Variants in DENND2B observed in about 807,000 individuals in gnomAD.
The protein encoded by DENND2B is DENN domain containing 2B, also known as DENN domain-containing protein 2B.
DENND2B carries 32 observed loss-of-function variants against 116.0 expected under a neutral mutation model. The observed-to-expected ratio is 0.28, with a 90% CI of 0.21 to 0.37. The LOEUF is 0.37. Ranked by LOEUF, DENND2B falls within the 10% of genes least tolerant of loss-of-function variation. The pLI, the probability that DENND2B is intolerant of heterozygous loss-of-function variation, is 1.00. For synonymous variants in DENND2B, 588 were observed against 583.9 expected (o/e 1.01, Z -0.10); for missense variants, 1,276 against 1,477.7 (o/e 0.86, Z 2.24).
At chr11:8,862,682 T>C (rs2063437428) in intron 2 of DENND2B, among the ~76,000 whole-genome samples, 1 of 152,186 alleles carries the variant, frequency 6.6e-6, no homozygotes. Context: ...TCTGGTCTTC[T>C]GTTTTTCTTC....
At chr11:8,720,738 G>A (rs2133864231) in intron 4 of DENND2B, among the ~76,000 whole-genome samples, 1 of 152,324 alleles carries the variant, frequency 6.6e-6, no homozygotes, top group Non-Finnish European at 1.5e-5. Context: ...GTGGACAGGG[G>A]ACCAGGGGAT....
At chr11:8,818,879 C>T (rs574582933) in intron 4 of DENND2B, among the ~76,000 whole-genome samples, 10 of 152,240 alleles carry the variant, frequency 6.6e-5, no homozygotes, top group African/African-American at 2.4e-4. Context: ...ATGCTTAACA[C>T]CTCACAGTAG....
At chr11:8,699,824 A>G (rs2041183742) in intron 14 of DENND2B, 1 of 456,992 alleles carries the variant, frequency 2.2e-6, no homozygotes, top group African/African-American at 2.0e-5. Flanking sequence ...AACCTAAAAC[A>G]TCAGCAACGG....
Position 8,702,813 on chromosome 11 carries a change from C to G in DENND2B, c.2572-93G>C. The G allele has an allele frequency of 7.4e-6, 11 of 1,491,322 alleles. No individual in the cohort carries two copies. The highest frequency in any genetic ancestry group is 1.0e-5 in the Non-Finnish European group (11 of 1,102,910). The allele number at this position is 1,491,322 out of a possible 1,614,324, so 92.4% of individuals were successfully genotyped here. ...AAGCAACTGGAGCTGCTTTCCCCTT[C>G]CAACCTGCTCTTTTCCAGGTCTCTC... On this transcript the variant is annotated intron_variant, in intron 13 of 19. Coordinates refer to ENST00000313726, the MANE Select transcript of DENND2B (RefSeq NM_213618.2). This position sits in a 1 kb window ranked among gnomAD's most constrained non-coding sequence, Gnocchi z 4.6.
At chr11:8,735,862 T>C (rs547648690) in intron 2 of DENND2B, among the ~76,000 whole-genome samples, 1 of 152,360 alleles carries the variant, frequency 6.6e-6, no homozygotes, top group Non-Finnish European at 1.5e-5. Flanking sequence ...GCACAGCAGG[T>C]GTCATCCCCT....
chr11:8,782,990 G>C (rs2134268582), intron 1 of DENND2B, among the ~76,000 whole-genome samples: 1 of 149,606 alleles, frequency 6.7e-6, no homozygotes, highest in East Asian at 2.0e-4. Flanking sequence ...TAACTATCCT[G>C]AAGTTATACA....
chr11:8,850,953 C>T (rs2062983634), intron 3 of DENND2B, among the ~76,000 whole-genome samples: 1 of 152,156 alleles, frequency 6.6e-6, no homozygotes, highest in Non-Finnish European at 1.5e-5. Context: ...CATGATCTCA[C>T]TTATATGCCG....
chr11:8,867,556 CAA>C (rs1235922675), intron 2 of DENND2B, among the ~76,000 whole-genome samples: 4 of 145,842 alleles, frequency 2.7e-5, no homozygotes, highest in Admixed American at 1.4e-4. Context: ...TTACTAGTAC[CAA>C]GTTTTAAAAT....
intron 4 of DENND2B, among the ~76,000 whole-genome samples, chr11:8,838,962 AAC>A (rs1316781444): frequency 2.6e-5 from 4 of 152,258 alleles, no homozygotes; most frequent in Admixed American, 6.5e-5. Context: ...GAAGCAACAT[AAC>A]ACAGGAATCC....
intron 1 of DENND2B, among the ~76,000 whole-genome samples, chr11:8,892,424 C>CA (rs1232138254): frequency 6.6e-6 from 1 of 151,960 alleles, no homozygotes; most frequent in African/African-American, 2.4e-5. Flanking sequence ...GACAGAGACA[C>CA]AAAAAAACCT....
chr11:8,891,784 T>C (rs1436730322), intron 1 of DENND2B, among the ~76,000 whole-genome samples: 1 of 152,096 alleles, frequency 6.6e-6, no homozygotes, highest in Non-Finnish European at 1.5e-5. Flanking sequence ...TCCCACACAA[T>C]AATAATGGGA....
chr11:8,733,455 C>G lies in DENND2B; in HGVS notation c.81-2246G>C, dbSNP rs897125704. On this transcript the variant is annotated intron_variant, in intron 2 of 19. Coordinates refer to ENST00000313726, the MANE Select transcript of DENND2B (RefSeq NM_213618.2). ...GCACCTACTCTGTGCTAGGCCTGTT[C>G]TAGGTGCTAGATACAAGAATAAACA... Among the ~76,000 whole-genome samples, 5 of 152,340 alleles carry G rather than the reference C, an allele frequency of 3.3e-5. No individual in the cohort carries two copies. In the East Asian group the frequency reaches 7.7e-4, roughly 23 times the overall value.
Position 8,707,971 on chromosome 11 carries a change from G to A in DENND2B, c.2353-117C>T. 6.5e-7 allele frequency: 1 copy of A among 1,535,094 alleles called. No homozygotes were observed. Among genetic ancestry groups the A allele is most frequent in the Non-Finnish European group, 8.7e-7 (1 of 1,145,254 alleles). Reference sequence around the variant, plus strand: ...AAGGACTGCCCTTCTAGTGGAGGAAGACTTTAAGCCTCCTCTAAACCTCTC... The same window carrying A: ...AAGGACTGCCCTTCTAGTGGAGGAAAACTTTAAGCCTCCTCTAAACCTCTC... On this transcript the variant is annotated intron_variant, in intron 11 of 19. Coordinates refer to ENST00000313726, the MANE Select transcript of DENND2B (RefSeq NM_213618.2). The surrounding 1 kb of genome is among the most constrained non-coding windows in gnomAD (Gnocchi z 4.8).
At position 8,699,276 on chromosome 11, in the gene DENND2B, G is replaced by A; in HGVS notation, c.2835C>T (p.Thr945=). The change falls in exon 15 of 20, where the codon ACC becomes ACT. Residue 945 remains threonine (T), a synonymous_variant. Coordinates refer to ENST00000313726, the MANE Select transcript of DENND2B (RefSeq NM_213618.2). ...ASMIDIVCCP[T]PFLVGLLSSS... ...TGGAGAGCAGGCCAACCAGGAAGGG[G>A]GTGGGACAGCAGACGATGTCAATCA... The A allele has an allele frequency of 1.2e-6, 2 of 1,600,878 alleles. No individual in the cohort carries two copies. The highest frequency in any genetic ancestry group is 1.7e-6 in the Non-Finnish European group (2 of 1,176,750).
At chr11:8,824,124 G>T (rs562234765) in intron 4 of DENND2B, among the ~76,000 whole-genome samples, 6 of 151,762 alleles carry the variant, frequency 4.0e-5, no homozygotes, top group Non-Finnish European at 5.9e-5. Context: ...GGATGGTCTC[G>T]ATCTCCTGAC....
chr11:8,766,677 C>G, intron 1 of DENND2B: 1 of 1,288,244 alleles, frequency 7.8e-7, no homozygotes, highest in South Asian at 1.2e-5. Context: ...CTATGCGCCC[C>G]ACCTCCATTC....
chr11:8,739,258 C>T (rs1456577984), intron 2 of DENND2B, among the ~76,000 whole-genome samples: 1 of 152,112 alleles, frequency 6.6e-6, no homozygotes, highest in African/African-American at 2.4e-5. Flanking sequence ...CGGTGCAGCC[C>T]AGTATCGCCG....
intron 1 of DENND2B, among the ~76,000 whole-genome samples, chr11:8,786,885 G>A (rs762405881): frequency 1.3e-5 from 2 of 151,930 alleles, no homozygotes; most frequent in African/African-American, 2.4e-5. Context: ...CCTTTTCTTC[G>A]GTGCTGATGT....
In DENND2B at chr11:8,702,765, G is replaced by T; in HGVS notation, c.2572-45C>A. ...AAGTGGGCCGGGGCCAGCCAAGTGG[G>T]TGCTGCCCTCTGGCCCTCCACGAAG... On this transcript the variant is annotated intron_variant, in intron 13 of 19. Transcript: ENST00000313726. The surrounding 1 kb of genome is among the most constrained non-coding windows in gnomAD (Gnocchi z 4.6). 6.3e-7 allele frequency: 1 copy of T among 1,599,756 alleles called. No individual in the cohort carries two copies. Among genetic ancestry groups the T allele is most frequent in the Non-Finnish European group, 8.5e-7 (1 of 1,174,376 alleles).
Sources: gnomAD v4.1 joint callset for allele counts (sites outside exome capture counted in the v4.1 genomes callset) on GRCh38, gnomAD v4.1.1 for gene constraint, Gnocchi (gnomAD v3.1) non-coding constraint, MANE v1.5 for transcripts, NCBI Gene and HGNC (gene_info 2026-07-23, HGNC 2026-07-21) for gene names.